Variants in NXN observed in about 807,000 individuals in gnomAD.
NXN encodes the protein nucleoredoxin 1.
A neutral mutation model predicts 48.6 loss-of-function variants in NXN; 16 were observed. The ratio of observed to expected loss-of-function variants is 0.33; its 90% CI spans 0.22 to 0.50. NXN has a LOEUF of 0.50. Among genes scored for constraint, NXN ranks in the 20% least tolerant of loss-of-function variants. NXN has a pLI of 0.98. For synonymous variants in NXN, 281 were observed against 269.6 expected, an observed-to-expected ratio of 1.04 and a Z score of -0.41; for missense variants, 492 against 605.5, an observed-to-expected ratio of 0.81 and a Z score of 1.97.
intron 5 of NXN, among the ~76,000 whole-genome samples, chr17:812,811 GGTGT>G (rs376539276): frequency 3.4e-5 from 5 of 146,094 alleles, no homozygotes; most frequent in African/African-American, 5.1e-5. Context: ...CGTGAGTGTA[GGTGT>G]GTGTGCGAGT....
chr17:923,504 C>T lies in NXN; in HGVS notation c.360+55815G>A, dbSNP rs146906104. Among the ~76,000 whole-genome samples, 1,056 of 152,180 alleles carry T rather than the reference C, an allele frequency of 6.9e-3. 33 individuals carry two copies. The highest frequency in any genetic ancestry group is 0.059 in the Admixed American group (899 of 15,282). ...CTGCACTCCAGCCTGGGCAACACAG[C>T]GAGACCGTGTCTCAAAAACAAACAA... On this transcript the variant is annotated intron_variant, in intron 1 of 7. Transcript: ENST00000336868.
At chr17:901,012 C>T (rs2068532955) in intron 1 of NXN, among the ~76,000 whole-genome samples, 1 of 151,270 alleles carries the variant, frequency 6.6e-6, no homozygotes, top group South Asian at 2.1e-4. Flanking sequence ...CCTCCACCTC[C>T]CGGGTTCAAG....
intron 1 of NXN, among the ~76,000 whole-genome samples, chr17:843,018 A>G (rs564613139): frequency 2.6e-4 from 30 of 113,720 alleles, no homozygotes; most frequent in Non-Finnish European, 3.3e-4. Context: ...GAAAGAAAGA[A>G]AGAAAGAAAG....
intron 1 of NXN, among the ~76,000 whole-genome samples, chr17:840,403 C>T (rs761422908): frequency 7.9e-5 from 12 of 151,968 alleles, no homozygotes; most frequent in Non-Finnish European, 1.6e-4. Context: ...GAAGTGGCGC[C>T]ATCTCGGCTC....
chr17:951,762 G>A (rs1296527533), intron 1 of NXN, among the ~76,000 whole-genome samples: 2 of 152,206 alleles, frequency 1.3e-5, no homozygotes, highest in African/African-American at 2.4e-5. Context: ...GCCCCAGAGG[G>A]GCGGGCAGCA....
intron 1 of NXN, among the ~76,000 whole-genome samples, chr17:916,733 C>A (rs147279099): frequency 1.8e-3 from 277 of 152,214 alleles, no homozygotes; most frequent in African/African-American, 6.3e-3. Context: ...GAGGTCTCCA[C>A]TAAAAATACA....
intron 1 of NXN, chr17:959,511 A>G (rs1301526592): frequency 1.3e-5 from 2 of 156,984 alleles, no homozygotes; most frequent in Non-Finnish European, 2.8e-5. Flanking sequence ...AAAAAGGTGA[A>G]ATAGGCCAGG....
chr17:975,157 A>T (rs961534485), intron 1 of NXN, among the ~76,000 whole-genome samples: 6 of 152,022 alleles, frequency 3.9e-5, no homozygotes, highest in Non-Finnish European at 8.8e-5. Flanking sequence ...TTTATTACTA[A>T]AAGACTGGCC....
intron 1 of NXN, among the ~76,000 whole-genome samples, chr17:852,735 G>A (rs1351760955): frequency 9.2e-5 from 14 of 152,192 alleles, no homozygotes; most frequent in Non-Finnish European, 1.5e-5. Context: ...GGGATTATGC[G>A]TATGCCAAGC....
At chr17:865,687 G>C (rs1026079054) in intron 1 of NXN, among the ~76,000 whole-genome samples, 4 of 151,996 alleles carry the variant, frequency 2.6e-5, no homozygotes, top group African/African-American at 9.7e-5. Flanking sequence ...TGCAGAGATA[G>C]ATGTGCAACA....
intron 1 of NXN, among the ~76,000 whole-genome samples, chr17:855,439 C>A (rs369289283): frequency 9.8e-5 from 15 of 152,326 alleles, no homozygotes; most frequent in East Asian, 7.7e-4. Context: ...AAGATATCTT[C>A]TTTGCGGCTA....
At chr17:900,727 G>A (rs1460082661) in intron 1 of NXN, among the ~76,000 whole-genome samples, 1 of 152,022 alleles carries the variant, frequency 6.6e-6, no homozygotes, top group Admixed American at 6.6e-5. Context: ...AACGTCTACA[G>A]AGAAGACGGC....
At chr17:886,644 G>A (rs1468120928) in intron 1 of NXN, among the ~76,000 whole-genome samples, 1 of 152,152 alleles carries the variant, frequency 6.6e-6, no homozygotes, top group Admixed American at 6.5e-5. Context: ...CGGGCGTGGT[G>A]GCACACAGCT....
chr17:843,827 A>G (rs1237967297), intron 1 of NXN, among the ~76,000 whole-genome samples: 1 of 152,204 alleles, frequency 6.6e-6, no homozygotes, highest in Non-Finnish European at 1.5e-5. Flanking sequence ...ATGGGCCATC[A>G]CACGGGTTCG....
intron 1 of NXN, among the ~76,000 whole-genome samples, chr17:827,495 C>T (rs1248250020): frequency 1.1e-4 from 16 of 152,094 alleles, no homozygotes; most frequent in African/African-American, 7.2e-5. Flanking sequence ...TGGTGGCGGG[C>T]GCCTGTAGTC....
intron 5 of NXN, 124 bp from the exon 6 acceptor site, chr17:805,371 A>C: frequency 5.7e-6 from 6 of 1,044,826 alleles, no homozygotes; most frequent in Non-Finnish European, 8.1e-6. Context: ...GACCTGGTAC[A>C]GGCTCACAAT....
chr17:842,676 G>A (rs1324706273), intron 1 of NXN: 7 of 495,760 alleles, frequency 1.4e-5, no homozygotes, highest in Non-Finnish European at 1.8e-5. Context: ...AGTGGCTCAT[G>A]CCTGTAATCC....
At chr17:858,409 G>A (rs1427986642) in intron 1 of NXN, among the ~76,000 whole-genome samples, 2 of 152,130 alleles carry the variant, frequency 1.3e-5, no homozygotes, top group Non-Finnish European at 2.9e-5. Context: ...CCACAAAGGT[G>A]ATACTGGACG....
At chr17:899,924 C>CTT (rs2068521601) in intron 1 of NXN, among the ~76,000 whole-genome samples, 1 of 152,144 alleles carries the variant, frequency 6.6e-6, no homozygotes, top group African/African-American at 2.4e-5. Context: ...AATCAAAGGG[C>CTT]TTTTGTTAAA....
Sources: gnomAD v4.1 joint callset for allele counts (sites outside exome capture counted in the v4.1 genomes callset) on GRCh38, gnomAD v4.1.1 for gene constraint, MANE v1.5 for transcripts, NCBI Gene and HGNC (gene_info 2026-07-23, HGNC 2026-07-21) for gene names.